Variants in CADPS2 observed in about 807,000 individuals in gnomAD.
The protein encoded by CADPS2 is calcium dependent secretion activator 2, also known as calcium-dependent secretion activator 2.
A neutral mutation model predicts 172.5 loss-of-function variants in CADPS2; 93 were observed. The observed-to-expected ratio is 0.54, with a 90% confidence interval of 0.46 to 0.64. The LOEUF is 0.64. CADPS2 is among the 30% of genes least tolerant of loss of function. CADPS2 has a pLI of 0.00. For synonymous variants in CADPS2, 546 were observed against 555.2 expected, an observed-to-expected ratio of 0.98 and a Z score of 0.23; for missense variants, 1,420 against 1,565.9, an observed-to-expected ratio of 0.91 and a Z score of 1.57.
chr7:122,642,077 C>T (rs1005041524), intron 3 of CADPS2, among the ~76,000 whole-genome samples: 7 of 151,708 alleles, frequency 4.6e-5, no homozygotes, highest in Admixed American at 2.0e-4. Context: ...GTCAGGAGTT[C>T]GAGACCAGCC....
At chr7:122,331,790 T>A (rs1000750052) in intron 28 of CADPS2, 3 of 152,252 alleles carry the variant, frequency 2.0e-5, no homozygotes, top group Admixed American at 2.0e-4. Flanking sequence ...AATTTACTTA[T>A]TCAAGTTTAT....
chr7:122,818,728 A>C (rs56295954), intron 1 of CADPS2, among the ~76,000 whole-genome samples: 30,259 of 151,852 alleles, frequency 0.2, 3,153 homozygotes, highest in Middle Eastern at 0.3. Flanking sequence ...AGCCCTCCCC[A>C]TCCTGCCCAG....
At chr7:122,341,457 C>T (rs192858854) in intron 28 of CADPS2, among the ~76,000 whole-genome samples, 46 of 152,194 alleles carry the variant, frequency 3.0e-4, no homozygotes, top group Non-Finnish European at 4.6e-4. Flanking sequence ...TTAGTTTACA[C>T]GTACTAAGTA....
At chr7:122,587,006 T>A (rs2069817042) in intron 6 of CADPS2, among the ~76,000 whole-genome samples, 1 of 151,798 alleles carries the variant, frequency 6.6e-6, no homozygotes, top group Admixed American at 6.6e-5. Flanking sequence ...ACTAATTTTA[T>A]AACAGAAAAC....
chr7:122,738,875 T>C (rs546873082), intron 1 of CADPS2, among the ~76,000 whole-genome samples: 8 of 151,912 alleles, frequency 5.3e-5, no homozygotes, highest in African/African-American at 1.9e-4. Context: ...AAAAAAACTT[T>C]TGCCATGGGC....
chr7:122,601,221 A>C (rs897391453), intron 6 of CADPS2, among the ~76,000 whole-genome samples: 3 of 152,078 alleles, frequency 2.0e-5, no homozygotes, highest in Non-Finnish European at 4.4e-5. Flanking sequence ...AAAATTTTTG[A>C]AGATTCTTAT....
chr7:122,509,332 G>A (rs968560938), intron 9 of CADPS2, among the ~76,000 whole-genome samples: 7 of 152,256 alleles, frequency 4.6e-5, no homozygotes, highest in African/African-American at 1.2e-4. Context: ...TTTACATCCC[G>A]TGCCAACTCA....
At chr7:122,404,424 G>A (rs2046372484) in intron 20 of CADPS2, among the ~76,000 whole-genome samples, 1 of 152,092 alleles carries the variant, frequency 6.6e-6, no homozygotes. Flanking sequence ...CCAAGTCTTT[G>A]CTATTGTGAA....
At chr7:122,587,736 G>C (rs1263182557) in intron 6 of CADPS2, among the ~76,000 whole-genome samples, 1 of 152,046 alleles carries the variant, frequency 6.6e-6, no homozygotes, top group Non-Finnish European at 1.5e-5. Flanking sequence ...ATATTCCTTT[G>C]GGTATATAAC....
intron 7 of CADPS2, 61 bp from the exon 8 acceptor site, chr7:122,554,750 T>TAAAACATAG: frequency 7.4e-7 from 1 of 1,360,424 alleles, no homozygotes; most frequent in Non-Finnish European, 9.7e-7. Flanking sequence ...GGGTTGGAAC[T>TAAAACATAG]AAAATATTTT....
At chr7:122,455,566 T>C (rs979254103) in intron 14 of CADPS2, among the ~76,000 whole-genome samples, 4 of 152,068 alleles carry the variant, frequency 2.6e-5, no homozygotes, top group African/African-American at 9.7e-5. Flanking sequence ...ATTTAATGCA[T>C]ATATGCTGAG....
In CADPS2 at chr7:122,663,280, C is replaced by A; in HGVS notation, c.743G>T (p.Gly248Val). The change falls in exon 3 of 30, where the codon GGT (glycine) becomes GTT (valine). Residue 248 changes from glycine (G) to valine (V), a missense_variant. Transcript: ENST00000449022. ...QLYEMFQQILGIKKLEHQLLY... is the reference protein window; with the variant it reads ...QLYEMFQQILVIKKLEHQLLY... ...GAGCTGGTGTTCCAGTTTTTTAATACCCAGAATCTGCTGAAACATTTCATA... is the reference window on the plus strand; with the variant it reads ...GAGCTGGTGTTCCAGTTTTTTAATAACCAGAATCTGCTGAAACATTTCATA... 6.2e-7 allele frequency: 1 copy of A among 1,613,748 alleles called. No homozygotes were observed. The highest frequency in any genetic ancestry group is 8.5e-7 in the Non-Finnish European group (1 of 1,179,784).
intron 19 of CADPS2, chr7:122,409,561 G>T: frequency 2.3e-6 from 1 of 437,874 alleles, no homozygotes. Context: ...TATATCTCAA[G>T]TTGTACTCCT....
At chr7:122,440,841 T>A (rs975608663) in intron 16 of CADPS2, among the ~76,000 whole-genome samples, 1 of 152,188 alleles carries the variant, frequency 6.6e-6, no homozygotes, top group African/African-American at 2.4e-5. Context: ...ACTGTTAGCA[T>A]CTAACAAGTA....
At chr7:122,616,051 G>A (rs2074877560) in intron 5 of CADPS2, among the ~76,000 whole-genome samples, 3 of 151,970 alleles carry the variant, frequency 2.0e-5, no homozygotes, top group African/African-American at 4.8e-5. Context: ...TGTCGAAGAG[G>A]CTGCCAATCT....
chr7:122,340,460 AAT>A (rs1412643714), intron 28 of CADPS2, among the ~76,000 whole-genome samples: 1 of 152,214 alleles, frequency 6.6e-6, no homozygotes, highest in Non-Finnish European at 1.5e-5. Flanking sequence ...TATCTTGAAA[AAT>A]AAGATGCGCT....
chr7:122,799,416 A>G (rs1029275120), intron 1 of CADPS2, among the ~76,000 whole-genome samples: 1 of 151,936 alleles, frequency 6.6e-6, no homozygotes, highest in Non-Finnish European at 1.5e-5. Flanking sequence ...TGGCTAACAC[A>G]GTGAAACCCC....
rs1209245328 is a variant in CADPS2, at chr7:122,319,575, T to C, written c.*590A>G. 6.6e-6 allele frequency: 1 copy of C among 152,194 alleles called. No homozygotes were observed. The highest frequency in any genetic ancestry group is 1.5e-5 in the Non-Finnish European group (1 of 68,042). 9.4% of individuals were successfully genotyped at this position (152,194 alleles called of 1,614,324 possible). A position where few individuals can be genotyped will look rare whatever the true frequency, so the allele number is the denominator to read the frequency against. On this transcript the variant is annotated 3_prime_UTR_variant, in exon 30 of 30. Coordinates refer to ENST00000449022, the MANE Select transcript of CADPS2 (RefSeq NM_017954.11). ...TGGATAATCTAGTCTATATTTGGGT[T>C]TGGCAATCCTTTCATCCCAGGAATA...
intron 1 of CADPS2, among the ~76,000 whole-genome samples, chr7:122,780,290 G>C (rs1169738335): frequency 6.6e-6 from 1 of 151,840 alleles, no homozygotes; most frequent in Non-Finnish European, 1.5e-5. Flanking sequence ...AACTAACCCA[G>C]AGCAACATCC....
Sources: gnomAD v4.1 joint callset for allele counts (sites outside exome capture counted in the v4.1 genomes callset) on GRCh38, gnomAD v4.1.1 for gene constraint, MANE v1.5 for transcripts, NCBI Gene and HGNC (gene_info 2026-07-23, HGNC 2026-07-21) for gene names.